The following SGCE variants were observed in gnomAD, a reference collection of about 807,000 sequenced individuals.
SGCE encodes the protein sarcoglycan epsilon, also known as epsilon-sarcoglycan.
Under a neutral mutation model 57.8 loss-of-function variants are expected in SGCE, and 26 were observed. That is an observed-to-expected ratio of 0.45 (90% CI 0.33 to 0.62). The LOEUF (loss-of-function observed/expected upper bound fraction) is 0.62, where lower values mean the gene tolerates loss of function less well. SGCE is among the 20% of genes least tolerant of loss of function. SGCE has a pLI of 0.02. For missense variants in SGCE, 468 were observed against 548.6 expected, an observed-to-expected ratio of 0.85 and a Z score of 1.47; for synonymous variants, 183 against 189.5, an observed-to-expected ratio of 0.97 and a Z score of 0.28.
At chr7:94,595,168 C>T (rs1798214796) in intron 9 of SGCE, among the ~76,000 whole-genome samples, 2 of 152,102 alleles carry the variant, frequency 1.3e-5, no homozygotes, top group Admixed American at 1.3e-4. Context: ...TTTATGGTGC[C>T]AGTCTGGAGC....
At chr7:94,649,805 A>G (rs1267941823) in intron 1 of SGCE, among the ~76,000 whole-genome samples, 1 of 152,230 alleles carries the variant, frequency 6.6e-6, no homozygotes, top group Non-Finnish European at 1.5e-5. Context: ...GTGAGGCAGA[A>G]GTGAAAGCTG....
In SGCE at chr7:94,613,786, T is replaced by C. The variant is rs969207270; in HGVS notation, c.662+4972A>G. Among the ~76,000 whole-genome samples, 3 of 152,266 alleles carry C rather than the reference T, an allele frequency of 2.0e-5. No individual in the cohort carries two copies. The South Asian group carries it at 6.2e-4, about 32-fold the overall frequency. Reference sequence around the variant, plus strand: ...ATGTATATAGAAGATAAAAGACAGTTTAGAGAAGAATATGTCCATATATGT... The same window carrying C: ...ATGTATATAGAAGATAAAAGACAGTCTAGAGAAGAATATGTCCATATATGT... On this transcript the variant is annotated intron_variant, in intron 5 of 10. Transcript: ENST00000648936.
intron 1 of SGCE, among the ~76,000 whole-genome samples, chr7:94,655,559 T>C (rs1259260980): frequency 5.3e-5 from 8 of 152,178 alleles, no homozygotes; most frequent in African/African-American, 1.9e-4. Flanking sequence ...GGGACGCAGC[T>C]TGACACCCAT....
At chr7:94,588,427 T>G in intron 10 of SGCE, 1 of 1,256,386 alleles carries the variant, frequency 8.0e-7, no homozygotes, top group Non-Finnish European at 1.0e-6. Context: ...AGGAAAGGGG[T>G]TTCATTCAGT....
chr7:94,653,410 C>T (rs1487182188), intron 1 of SGCE, among the ~76,000 whole-genome samples: 1 of 152,058 alleles, frequency 6.6e-6, no homozygotes, highest in Non-Finnish European at 1.5e-5. Context: ...CACATTAACT[C>T]CTCTTTGCTG....
chr7:94,627,231 T>C (rs1803864519), intron 3 of SGCE: 1 of 152,200 alleles, frequency 6.6e-6, no homozygotes, highest in East Asian at 1.9e-4. Context: ...GAAAAATTCA[T>C]AGTATGTAAT....
intron 1 of SGCE, among the ~76,000 whole-genome samples, chr7:94,655,582 G>A (rs562345526): frequency 3.3e-5 from 5 of 152,242 alleles, no homozygotes; most frequent in Admixed American, 2.6e-4. Flanking sequence ...CCTTTGGCTC[G>A]CATCGCGGTC....
intron 1 of SGCE, among the ~76,000 whole-genome samples, chr7:94,649,440 A>G (rs1304477528): frequency 1.3e-5 from 2 of 152,318 alleles, no homozygotes; most frequent in Non-Finnish European, 2.9e-5. Context: ...TATTACTTCC[A>G]AAGCAGGGGA....
intron 1 of SGCE, among the ~76,000 whole-genome samples, chr7:94,647,512 T>C (rs1230053561): frequency 6.6e-6 from 1 of 152,234 alleles, no homozygotes; most frequent in African/African-American, 2.4e-5. Flanking sequence ...TAAAGTGCTC[T>C]TTTTGAAATG....
At chr7:94,587,778 C>T in intron 10 of SGCE, 1 of 1,546,766 alleles carries the variant, frequency 6.5e-7, no homozygotes, top group Non-Finnish European at 8.7e-7. Flanking sequence ...TTATACTTGC[C>T]TCAAATCTTT....
chr7:94,642,403 C>T (rs1806517190), intron 1 of SGCE, among the ~76,000 whole-genome samples: 1 of 152,176 alleles, frequency 6.6e-6, no homozygotes, highest in Admixed American at 6.5e-5. Flanking sequence ...TTCCTGATGG[C>T]TATGTTCCAA....
At chr7:94,610,735 A>G (rs1396419932) in intron 5 of SGCE, among the ~76,000 whole-genome samples, 1 of 152,210 alleles carries the variant, frequency 6.6e-6, no homozygotes, top group African/African-American at 2.4e-5. Flanking sequence ...AATAGGAGAA[A>G]ATAACTGCAA....
At chr7:94,615,579 C>G (rs997371422) in intron 5 of SGCE, among the ~76,000 whole-genome samples, 1 of 152,062 alleles carries the variant, frequency 6.6e-6, no homozygotes, top group Admixed American at 6.6e-5. Context: ...CTTTGACATA[C>G]AGCAAAAAGC....
rs1798753715 is a variant in SGCE, at chr7:94,598,575, G to A, written c.1253+200C>T. The A allele has an allele frequency of 5.1e-6, 3 of 593,418 alleles. No homozygotes were observed. In the South Asian group the frequency reaches 5.9e-5, roughly 12 times the overall value. The allele number at this position is 593,418 out of a possible 1,614,324, so 36.8% of individuals were successfully genotyped here. ...ATATGTAGTCTTGTTTGGATCAGTG[G>A]GGGAAAAAAAGTGCATTTCCTAAAA... On this transcript the variant is annotated intron_variant, in intron 9 of 10. Coordinates refer to ENST00000648936, the MANE Select transcript of SGCE (RefSeq NM_003919.3).
At chr7:94,612,602 T>C (rs950995920) in intron 5 of SGCE, among the ~76,000 whole-genome samples, 8 of 152,196 alleles carry the variant, frequency 5.3e-5, no homozygotes, top group Admixed American at 5.2e-4. Context: ...TAAATAATAT[T>C]ACAAAGACTA....
At chr7:94,604,198 T>G (rs2116732293) in intron 5 of SGCE, among the ~76,000 whole-genome samples, 1 of 152,162 alleles carries the variant, frequency 6.6e-6, no homozygotes, top group African/African-American at 2.4e-5. Flanking sequence ...TGGAGCAGCT[T>G]GAGAAGATAG....
intron 3 of SGCE, chr7:94,624,418 C>A: frequency 2.6e-6 from 1 of 390,016 alleles, no homozygotes; most frequent in Non-Finnish European, 4.5e-6. Context: ...TAATTTTAAA[C>A]TTTTAACAAT....
Position 94,618,814 on chromosome 7 carries a change from T to G in SGCE, c.606A>C (p.Thr202=), listed in dbSNP as rs148979783. Residue 202 remains threonine, a synonymous_variant, in exon 5 of 11, where the codon ACA becomes ACC. Coordinates refer to ENST00000648936, the MANE Select transcript of SGCE (RefSeq NM_003919.3). ...QPERLNAINI[T]SALDRGGRVP... The stretch of plus-strand genomic sequence containing the variant: ...CCCTGCCACCCCTGTCTAGGGCCGA[T>G]GTGATGTTTATGGCGTTCAGGCGCT... The G allele has an allele frequency of 6.9e-5, 111 of 1,613,994 alleles. No homozygotes were observed. The highest frequency in any genetic ancestry group is 8.6e-5 in the Non-Finnish European group (102 of 1,179,984).
At chr7:94,613,275 T>C (rs1801352768) in intron 5 of SGCE, among the ~76,000 whole-genome samples, 1 of 152,198 alleles carries the variant, frequency 6.6e-6, no homozygotes, top group Non-Finnish European at 1.5e-5. Context: ...TGAGTCCATG[T>C]GTAATAATAA....
Sources: allele counts gnomAD v4.1 joint callset (sites outside exome capture counted in the v4.1 genomes callset), GRCh38; gene constraint gnomAD v4.1.1; transcripts MANE v1.5; gene names NCBI Gene and HGNC (gene_info 2026-07-23, HGNC 2026-07-21).